The following TMED8 variants were observed in gnomAD, a reference collection of about 807,000 sequenced individuals.
TMED8 encodes transmembrane p24 trafficking protein family member 8.
TMED8 carries 15 observed loss-of-function variants against 32.7 expected under a neutral mutation model. The observed-to-expected ratio is 0.46, with a 90% confidence interval of 0.31 to 0.71. TMED8 has a LOEUF of 0.71. TMED8 is among the 30% of genes least tolerant of loss of function. The pLI is 0.06. For synonymous variants in TMED8, 147 were observed against 161.4 expected, an observed-to-expected ratio of 0.91 and a Z score of 0.68; for missense variants, 390 against 423.9, an observed-to-expected ratio of 0.92 and a Z score of 0.70.
Position 77,336,346 on chromosome 14 carries a change from A to G in TMED8, c.*5425T>C, listed in dbSNP as rs1383925053. 6.6e-6 allele frequency: 1 copy of G among 152,186 alleles called. No homozygotes were observed. Among genetic ancestry groups the G allele is most frequent in the African/African-American group, 2.4e-5 (1 of 41,440 alleles). 9.4% of individuals were successfully genotyped at this position (152,186 alleles called of 1,614,324 possible). On this transcript the variant is annotated 3_prime_UTR_variant, in exon 6 of 6. Transcript: ENST00000216468. ...GTCCACATACCTGGGGCCTAAAAAAATCAGGTACATATAATAGGAATCACA... is the reference window on the plus strand; with the variant it reads ...GTCCACATACCTGGGGCCTAAAAAAGTCAGGTACATATAATAGGAATCACA...
In TMED8 at chr14:77,376,872, G is replaced by A; in HGVS notation, c.118+64C>T. 9.4e-7 allele frequency: 1 copy of A among 1,063,186 alleles called. No individual in the cohort carries two copies. Among genetic ancestry groups the A allele is most frequent in the Non-Finnish European group, 1.2e-6 (1 of 801,916 alleles). The allele number at this position is 1,063,186 out of a possible 1,614,324, so 65.9% of individuals were successfully genotyped here. ...CCAGGACAGAGCGCGGCGGAGGCTC[G>A]CGCCGTGGTGCGGGGCCCTGAGGCC... On this transcript the variant is annotated intron_variant, in intron 1 of 5. Transcript: ENST00000216468. The surrounding 1 kb of genome is among the most constrained non-coding windows in gnomAD (Gnocchi z 4.0).
intron 1 of TMED8, chr14:77,359,840 G>T: frequency 5.5e-6 from 1 of 182,148 alleles, no homozygotes; most frequent in South Asian, 1.3e-4. Flanking sequence ...CTCTGACAGT[G>T]AGAAAAAATT....
chr14:77,371,828 C>A (rs1893684725), intron 1 of TMED8, among the ~76,000 whole-genome samples: 1 of 152,014 alleles, frequency 6.6e-6, no homozygotes, highest in African/African-American at 2.4e-5. Flanking sequence ...TGAAAGTATT[C>A]CTAGAAGAGA....
chr14:77,370,917 C>A (rs898717947), intron 1 of TMED8, among the ~76,000 whole-genome samples: 27 of 151,870 alleles, frequency 1.8e-4, no homozygotes, highest in Non-Finnish European at 1.8e-4. Context: ...CCATTGCACT[C>A]CAGCCTGGGC....
chr14:77,341,958 CCT>C lies in TMED8; in HGVS notation c.789_790del (p.Gly264LeufsTer30). 6.2e-7 allele frequency: 1 copy of C among 1,614,044 alleles called. No individual in the cohort carries two copies. The highest frequency in any genetic ancestry group is 8.5e-7 in the Non-Finnish European group (1 of 1,180,020). Reference sequence around the variant, plus strand: ...GCGACCCCGCAAGGAGCTCCTGGAGCCTCTCTCCACATCTCCAGCTGGAACGG... The same window carrying C: ...GCGACCCCGCAAGGAGCTCCTGGAGCCTCTCCACATCTCCAGCTGGAACGG... On this transcript the variant is annotated frameshift_variant, in exon 6 of 6. Transcript: ENST00000216468. LOFTEE classifies it high-confidence loss of function.
chr14:77,346,898 A>G (rs1389865441), intron 2 of TMED8, among the ~76,000 whole-genome samples: 1 of 151,906 alleles, frequency 6.6e-6, no homozygotes, highest in Non-Finnish European at 1.5e-5. Context: ...AATTGAGCTA[A>G]TTAACATATC....
At chr14:77,372,664 G>C (rs1008813145) in intron 1 of TMED8, among the ~76,000 whole-genome samples, 2 of 151,734 alleles carry the variant, frequency 1.3e-5, no homozygotes, top group Non-Finnish European at 2.9e-5. Flanking sequence ...TGTTTAGACT[G>C]AATCACGACA....
chr14:77,368,213 G>C (rs1893599950), intron 1 of TMED8, among the ~76,000 whole-genome samples: 1 of 152,180 alleles, frequency 6.6e-6, no homozygotes, highest in Non-Finnish European at 1.5e-5. Flanking sequence ...AATTTCAGTA[G>C]ATAATGCCGA....
At chr14:77,375,064 G>A (rs369256943) in intron 1 of TMED8, among the ~76,000 whole-genome samples, 10 of 152,314 alleles carry the variant, frequency 6.6e-5, no homozygotes, top group African/African-American at 2.2e-4. Context: ...GAAAATGATT[G>A]TTGACATGAC....
intron 1 of TMED8, among the ~76,000 whole-genome samples, chr14:77,361,684 T>C (rs1004364092): frequency 7.6e-6 from 1 of 132,314 alleles, no homozygotes; most frequent in Non-Finnish European, 1.6e-5. Context: ...TATTAATTTT[T>C]CCAAATCATG....
intron 1 of TMED8, among the ~76,000 whole-genome samples, chr14:77,353,257 A>C (rs1056828501): frequency 2.0e-5 from 3 of 152,198 alleles, no homozygotes; most frequent in Non-Finnish European, 4.4e-5. Flanking sequence ...AGACAACAAG[A>C]CACTGAAGAC....
At chr14:77,367,734 C>A (rs1408537444) in intron 1 of TMED8, among the ~76,000 whole-genome samples, 1 of 151,514 alleles carries the variant, frequency 6.6e-6, no homozygotes, top group Non-Finnish European at 1.5e-5. Flanking sequence ...ACTCTTGTTG[C>A]CCAGGCTGGA....
intron 1 of TMED8, among the ~76,000 whole-genome samples, chr14:77,358,124 C>CAAAAAAAA (rs35361617): frequency 3.9e-5 from 3 of 76,246 alleles, no homozygotes; most frequent in Admixed American, 1.8e-4. Flanking sequence ...GCTCTGTCTC[C>CAAAAAAAA]AAAAAAAAAA....
At chr14:77,371,943 T>A (rs1248600975) in intron 1 of TMED8, among the ~76,000 whole-genome samples, 1 of 152,222 alleles carries the variant, frequency 6.6e-6, no homozygotes, top group African/African-American at 2.4e-5. Flanking sequence ...AATGGATATA[T>A]CAAACTAGTA....
intron 2 of TMED8, 47 bp downstream of exon 2, chr14:77,351,626 A>T: frequency 3.3e-6 from 5 of 1,511,516 alleles, no homozygotes; most frequent in Non-Finnish European, 4.5e-6. Context: ...CCAGTTCCTC[A>T]TCTCAGAAGA....
chr14:77,344,182 C>T (rs1212054638), intron 3 of TMED8, among the ~76,000 whole-genome samples: 15 of 152,228 alleles, frequency 9.9e-5, no homozygotes, highest in Admixed American at 2.0e-4. Flanking sequence ...TGCACAGTAC[C>T]TCCCTGTGGC....
chr14:77,341,601 A>G lies in TMED8; in HGVS notation c.*170T>C. On this transcript the variant is annotated 3_prime_UTR_variant, in exon 6 of 6. Transcript: ENST00000216468. ...GGGGCACTACACCACCACCTGCAGA[A>G]GCCAAGAAGGGGAAAAAGCTACGTG... 1 of 641,834 alleles carries G rather than the reference A, an allele frequency of 1.6e-6. No homozygotes were observed. The allele number at this position is 641,834 out of a possible 1,614,324, so 39.8% of individuals were successfully genotyped here. A position where few individuals can be genotyped will look rare whatever the true frequency, so the allele number is the denominator to read the frequency against.
intron 3 of TMED8, among the ~76,000 whole-genome samples, chr14:77,344,206 A>G (rs1462750381): frequency 6.6e-6 from 1 of 152,174 alleles, no homozygotes; most frequent in Non-Finnish European, 1.5e-5. Flanking sequence ...TCTCATTAAT[A>G]GCTCTTGCTC....
chr14:77,359,515 AC>A, intron 1 of TMED8: 1 of 348,944 alleles, frequency 2.9e-6, no homozygotes, highest in South Asian at 2.3e-5. Flanking sequence ...ACCTACAACG[AC>A]CTGAAGACAT....
Sources: gnomAD v4.1 joint callset for allele counts (sites outside exome capture counted in the v4.1 genomes callset) on GRCh38, gnomAD v4.1.1 for gene constraint, Gnocchi (gnomAD v3.1) non-coding constraint, MANE v1.5 for transcripts, NCBI Gene and HGNC (gene_info 2026-07-23, HGNC 2026-07-21) for gene names.